Variants in IL1R1 observed in about 807,000 individuals in gnomAD.
IL1R1 encodes interleukin 1 receptor type 1.
Under a neutral mutation model 50.2 loss-of-function variants are expected in IL1R1, and 22 were observed. The observed-to-expected ratio is 0.44, with a 90% CI of 0.31 to 0.63. The LOEUF (loss-of-function observed/expected upper bound fraction) is 0.63. Among genes scored for constraint, IL1R1 ranks in the 20% least tolerant of loss-of-function variants. The pLI, the probability that IL1R1 is intolerant of heterozygous loss-of-function variation, is 0.07. For missense variants in IL1R1, 509 were observed against 676.2 expected, an observed-to-expected ratio of 0.75 and a Z score of 2.74; for synonymous variants, 251 against 236.7, an observed-to-expected ratio of 1.06 and a Z score of -0.55.
intron 1 of IL1R1, among the ~76,000 whole-genome samples, chr2:102,083,646 T>C (rs529326592): frequency 4.6e-5 from 7 of 152,206 alleles, no homozygotes; most frequent in Admixed American, 2.6e-4. Flanking sequence ...GCTAATGCTT[T>C]TTAAAAGTGG....
rs567144079 is a variant in IL1R1, at chr2:102,117,981, A to AAT, written c.-84+13119_-84+13120dup. On this transcript the variant is annotated intron_variant, in intron 1 of 10. Transcript: ENST00000409329. ...GAAATGTATATATATATACACATATAATATATATATAGACAAAATAAAAAT... is the reference window on the plus strand; with the variant it reads ...GAAATGTATATATATATACACATATAATATATATATATAGACAAAATAAAAAT... 5.4e-3 allele frequency among the ~76,000 whole-genome samples: 808 copies of AAT among 150,288 alleles called. 6 individuals carry two copies. Among genetic ancestry groups the AAT allele is most frequent in the African/African-American group, 0.015 (637 of 41,150 alleles).
intron 1 of IL1R1, among the ~76,000 whole-genome samples, chr2:102,135,185 A>G (rs190819006): frequency 1.3e-5 from 2 of 152,272 alleles, no homozygotes; most frequent in African/African-American, 4.8e-5. Context: ...TCTGTTGCTG[A>G]TTTTATGAAC....
chr2:102,099,320 T>A (rs759560180), intron 1 of IL1R1, among the ~76,000 whole-genome samples: 3 of 152,204 alleles, frequency 2.0e-5, no homozygotes, highest in Non-Finnish European at 4.4e-5. Context: ...GCAGTTTCCA[T>A]TGGATGTTCG....
At chr2:102,156,947 A>G (rs1684250602) in intron 2 of IL1R1, among the ~76,000 whole-genome samples, 1 of 152,224 alleles carries the variant, frequency 6.6e-6, no homozygotes, top group Non-Finnish European at 1.5e-5. Flanking sequence ...GGATAAGAAT[A>G]TAGGCAAATT....
rs1489998447 is a variant in IL1R1 at position 102,178,805 on chromosome 2, G to A, written c.*2046G>A. Reference sequence around the variant, plus strand: ...TGTTTCATTTTCATTAAAAATGAAAGCCAAATTTATATGCCACCGATTGCA... The same window carrying A: ...TGTTTCATTTTCATTAAAAATGAAAACCAAATTTATATGCCACCGATTGCA... On this transcript the variant is annotated 3_prime_UTR_variant, in exon 12 of 12. Coordinates refer to ENST00000410023, the MANE Select transcript of IL1R1 (RefSeq NM_000877.4). 6.6e-6 allele frequency: 1 copy of A among 152,290 alleles called. No individual in the cohort carries two copies. The highest frequency in any genetic ancestry group is 1.5e-5 in the Non-Finnish European group (1 of 68,030). 9.4% of individuals were successfully genotyped at this position (152,290 alleles called of 1,614,324 possible). A position where few individuals can be genotyped will look rare whatever the true frequency, so the allele number is the denominator to read the frequency against.
intron 1 of IL1R1, among the ~76,000 whole-genome samples, chr2:102,133,243 C>CAA (rs70946673): frequency 0.051 from 5,898 of 116,762 alleles, 312 homozygotes; most frequent in African/African-American, 0.12. Flanking sequence ...GACTCTGTCT[C>CAA]AAAAAAAAAA....
At chr2:102,108,533 G>A (rs1409987506) in intron 1 of IL1R1, among the ~76,000 whole-genome samples, 1 of 151,976 alleles carries the variant, frequency 6.6e-6, no homozygotes, top group Non-Finnish European at 1.5e-5. Context: ...CACCCAGAGG[G>A]CGGATCAATC....
intron 1 of IL1R1, among the ~76,000 whole-genome samples, chr2:102,114,038 A>G (rs1019038975): frequency 2.6e-5 from 4 of 152,186 alleles, no homozygotes; most frequent in Non-Finnish European, 4.4e-5. Flanking sequence ...TCTTTCTCAC[A>G]TGTCCTTCAG....
chr2:102,091,345 A>G (rs1679658665), intron 1 of IL1R1, among the ~76,000 whole-genome samples: 3 of 152,172 alleles, frequency 2.0e-5, no homozygotes, highest in African/African-American at 7.2e-5. Context: ...GGTTCACAGT[A>G]GTTTCTAAAA....
chr2:102,152,394 A>G (rs1390495373), intron 1 of IL1R1, among the ~76,000 whole-genome samples: 1 of 150,758 alleles, frequency 6.6e-6, no homozygotes, highest in Non-Finnish European at 1.5e-5. Context: ...AGTCCCAGCT[A>G]CTCAGGAGGC....
chr2:102,136,601 C>A (rs1682359170), intron 1 of IL1R1, among the ~76,000 whole-genome samples: 1 of 152,052 alleles, frequency 6.6e-6, no homozygotes, highest in South Asian at 2.1e-4. Context: ...TGGTCTCGAA[C>A]CCCTGACCTC....
intron 1 of IL1R1, among the ~76,000 whole-genome samples, chr2:102,080,097 A>G (rs1485056708): frequency 6.6e-6 from 1 of 152,162 alleles, no homozygotes; most frequent in Non-Finnish European, 1.5e-5. Flanking sequence ...AAAAGCAATC[A>G]TAGAACTAAA....
At chr2:102,082,528 T>C (rs1679256765) in intron 1 of IL1R1, among the ~76,000 whole-genome samples, 1 of 152,192 alleles carries the variant, frequency 6.6e-6, no homozygotes, top group African/African-American at 2.4e-5. Flanking sequence ...AGTAGTTTCT[T>C]AGGAATAGTG....
intron 1 of IL1R1, among the ~76,000 whole-genome samples, chr2:102,080,543 G>T (rs1390360151): frequency 6.6e-6 from 1 of 152,144 alleles, no homozygotes; most frequent in African/African-American, 2.4e-5. Context: ...CTAGAATGAC[G>T]GGATGAAAGA....
At chr2:102,172,570 G>A in intron 8 of IL1R1, 117 bp from the exon 9 acceptor site, 1 of 1,071,996 alleles carries the variant, frequency 9.3e-7, no homozygotes, top group Non-Finnish European at 1.3e-6. Context: ...GATTGGGCAG[G>A]GTGATTATTT....
chr2:102,098,959 A>T (rs987268348), intron 1 of IL1R1, among the ~76,000 whole-genome samples: 1 of 152,198 alleles, frequency 6.6e-6, no homozygotes, highest in Non-Finnish European at 1.5e-5. Flanking sequence ...AGTCAGATGC[A>T]TTTATTGGGT....
At chr2:102,120,212 A>G (rs188677035) in intron 1 of IL1R1, among the ~76,000 whole-genome samples, 35 of 151,996 alleles carry the variant, frequency 2.3e-4, no homozygotes, top group Admixed American at 2.0e-3. Context: ...TATGTGTTTG[A>G]GTGTGTGGGT....
intron 1 of IL1R1, among the ~76,000 whole-genome samples, chr2:102,151,450 C>T (rs1683646016): frequency 6.6e-6 from 1 of 152,186 alleles, no homozygotes; most frequent in Non-Finnish European, 1.5e-5. Context: ...CCCTCCCTCC[C>T]TCTCTCCCTC....
chr2:102,122,687 A>T (rs1482948328), intron 1 of IL1R1, among the ~76,000 whole-genome samples: 1 of 152,168 alleles, frequency 6.6e-6, no homozygotes, highest in Non-Finnish European at 1.5e-5. Context: ...CCAGCCAGGG[A>T]GGTTGTCTGC....
Sources: allele counts gnomAD v4.1 joint callset (sites outside exome capture counted in the v4.1 genomes callset), GRCh38; gene constraint gnomAD v4.1.1; transcripts MANE v1.5; gene names NCBI Gene and HGNC (gene_info 2026-07-23, HGNC 2026-07-21).